The following PPCDC variants were observed in gnomAD, a reference collection of about 807,000 sequenced individuals.
PPCDC encodes the protein phosphopantothenoylcysteine decarboxylase.
A neutral mutation model predicts 20.7 loss-of-function variants in PPCDC; 20 were observed. The ratio of observed to expected loss-of-function variants is 0.97; its 90% CI spans 0.68 to 1.41. The LOEUF (loss-of-function observed/expected upper bound fraction) is 1.41, where lower values mean the gene tolerates loss of function less well. Ranked by LOEUF, PPCDC falls within the 40% of genes most tolerant of loss-of-function variation. The probability of loss-of-function intolerance (pLI) is 0.00; values close to 1 mark genes in which losing one functional copy is unlikely to be tolerated. For synonymous variants in PPCDC, 88 were observed against 100.3 expected (o/e 0.88, Z 0.73); for missense variants, 246 against 263.8 (o/e 0.93, Z 0.47).
At chr15:75,035,963 CAAAAAAAAA>C (rs11306068) in intron 2 of PPCDC, among the ~76,000 whole-genome samples, 1 of 105,120 alleles carries the variant, frequency 9.5e-6, no homozygotes, top group Admixed American at 9.7e-5. Flanking sequence ...GACTGTGTCT[CAAAAAAAAA>C]AAAAAAAAAA....
intron 2 of PPCDC, among the ~76,000 whole-genome samples, chr15:75,035,923 T>C (rs117791599): frequency 0.015 from 2,201 of 143,272 alleles, 27 homozygotes; most frequent in Middle Eastern, 0.022. Flanking sequence ...GCCGAGATAG[T>C]GTCATTGCAC....
chr15:75,043,789 T>C, intron 3 of PPCDC: 5 of 476,418 alleles, frequency 1.0e-5, no homozygotes, highest in Non-Finnish European at 1.5e-5. Flanking sequence ...CTTGTACTTA[T>C]CTGGGCTGAT....
At chr15:75,024,832 C>T (rs2065943256) in intron 1 of PPCDC, among the ~76,000 whole-genome samples, 1 of 151,984 alleles carries the variant, frequency 6.6e-6, no homozygotes, top group Non-Finnish European at 1.5e-5. Context: ...TGCCACCACG[C>T]CCTCCATATA....
chr15:75,037,840 C>T (rs1444240725), intron 2 of PPCDC, among the ~76,000 whole-genome samples: 1 of 152,006 alleles, frequency 6.6e-6, no homozygotes, highest in East Asian at 1.9e-4. Context: ...GGACCTGAAC[C>T]GAGGCTGGGT....
chr15:75,032,700 A>C (rs894889959), intron 2 of PPCDC, among the ~76,000 whole-genome samples: 5 of 142,202 alleles, frequency 3.5e-5, no homozygotes, highest in Non-Finnish European at 7.6e-5. Context: ...CGGAATAAGC[A>C]GGGTGTAGGA....
chr15:75,044,191 GT>G (rs2066193874), intron 3 of PPCDC, among the ~76,000 whole-genome samples, 194 bp from the exon 4 acceptor site: 1 of 152,146 alleles, frequency 6.6e-6, no homozygotes, highest in African/African-American at 2.4e-5. Context: ...AGGGGCACTT[GT>G]TTCCTCAGGC....
intron 2 of PPCDC, among the ~76,000 whole-genome samples, chr15:75,033,963 GAC>G (rs1169447627): frequency 6.6e-6 from 1 of 152,184 alleles, no homozygotes; most frequent in Non-Finnish European, 1.5e-5. Flanking sequence ...ATGAGGAGCT[GAC>G]ACAACCAGAA....
rs752152739 is a variant in PPCDC, at chr15:75,048,535, C to T, written c.361-18C>T. ...AGACAGAGTAGCAAGACCCCCACTT[C>T]CCTGGCCTTCTTCACAGACCTGCGT... On this transcript the variant is annotated intron_variant, in intron 4 of 5. Transcript: ENST00000342932. 7 of 1,611,208 alleles carry T rather than the reference C, an allele frequency of 4.3e-6. No individual in the cohort carries two copies. Among genetic ancestry groups the T allele is most frequent in the African/African-American group, 1.3e-5 (1 of 74,898 alleles).
intron 2 of PPCDC, among the ~76,000 whole-genome samples, chr15:75,033,396 C>G (rs981894838): frequency 2.0e-5 from 3 of 152,212 alleles, no homozygotes; most frequent in African/African-American, 7.2e-5. Flanking sequence ...GTTTTTTCCT[C>G]TGGAGGTGGT....
intron 3 of PPCDC, 170 bp downstream of exon 3, chr15:75,043,706 C>A: frequency 1.6e-6 from 1 of 629,140 alleles, no homozygotes; most frequent in Non-Finnish European, 2.7e-6. Context: ...TAGCTTCTGG[C>A]CTGCAGGAGG....
intron 1 of PPCDC, among the ~76,000 whole-genome samples, chr15:75,024,707 T>C (rs1488615778): frequency 6.8e-6 from 1 of 147,708 alleles, no homozygotes; most frequent in Non-Finnish European, 1.5e-5. Context: ...GGTCTCACTC[T>C]TGTCTCCCAG....
chr15:75,025,117 T>C (rs1390629666), intron 1 of PPCDC, among the ~76,000 whole-genome samples: 1 of 152,126 alleles, frequency 6.6e-6, no homozygotes, highest in African/African-American at 2.4e-5. Flanking sequence ...TCTTGCTATG[T>C]TACCCAGGCT....
chr15:75,027,539 T>G (rs1384198946), intron 1 of PPCDC, among the ~76,000 whole-genome samples: 1 of 152,172 alleles, frequency 6.6e-6, no homozygotes, highest in Non-Finnish European at 1.5e-5. Flanking sequence ...CTTGGCTCCC[T>G]GGAGCACCCA....
intron 2 of PPCDC, among the ~76,000 whole-genome samples, chr15:75,037,799 A>G (rs563149468): frequency 1.3e-5 from 2 of 152,206 alleles, no homozygotes; most frequent in South Asian, 2.1e-4. Flanking sequence ...CATTTTGTTC[A>G]TCTTCTCTTT....
chr15:75,035,520 A>G (rs1264794300), intron 2 of PPCDC, among the ~76,000 whole-genome samples: 5 of 152,222 alleles, frequency 3.3e-5, no homozygotes, highest in African/African-American at 1.2e-4. Flanking sequence ...ATGTCTCTTC[A>G]GCAAAGAAAA....
chr15:75,037,770 TGGG>T (rs1224595083), intron 2 of PPCDC, among the ~76,000 whole-genome samples: 8 of 151,912 alleles, frequency 5.3e-5, no homozygotes, highest in Non-Finnish European at 1.0e-4. Flanking sequence ...AACAAAGAAA[TGGG>T]GGGATTCTTT....
At chr15:75,036,358 GAATC>G (rs2066084831) in intron 2 of PPCDC, among the ~76,000 whole-genome samples, 1 of 152,210 alleles carries the variant, frequency 6.6e-6, no homozygotes. Flanking sequence ...TAGGGCTGAT[GAATC>G]AGATCAAGTG....
intron 4 of PPCDC, 46 bp from the exon 5 acceptor site, chr15:75,048,507 G>T: frequency 6.3e-7 from 1 of 1,591,858 alleles, no homozygotes; most frequent in South Asian, 1.1e-5. Flanking sequence ...TGGGGAGGGT[G>T]GCAGACAGAG....
intron 2 of PPCDC, among the ~76,000 whole-genome samples, chr15:75,040,081 G>A (rs996320548): frequency 6.6e-6 from 1 of 150,784 alleles, no homozygotes; most frequent in Non-Finnish European, 1.5e-5. Context: ...ATGCCCAGCC[G>A]TTCTCTTCTC....
Sources: gnomAD v4.1 joint callset for allele counts (sites outside exome capture counted in the v4.1 genomes callset) on GRCh38, gnomAD v4.1.1 for gene constraint, MANE v1.5 for transcripts, NCBI Gene and HGNC (gene_info 2026-07-23, HGNC 2026-07-21) for gene names.